PCM1: variants seen among roughly 807,000 people sequenced by gnomAD.
PCM1 encodes pericentriolar material 1, also known as pericentriolar material 1 protein.
A neutral mutation model predicts 241.9 loss-of-function variants in PCM1; 157 were observed. The ratio of observed to expected loss-of-function variants is 0.65; its 90% CI spans 0.57 to 0.74. The LOEUF (loss-of-function observed/expected upper bound fraction) is 0.74. Among genes scored for constraint, PCM1 ranks in the 30% least tolerant of loss-of-function variants. The pLI is 0.00. For missense variants in PCM1, 3,478 were observed against 2,360.1 expected, an observed-to-expected ratio of 1.47 and a Z score of -9.81; for synonymous variants, 1,085 against 784.9, an observed-to-expected ratio of 1.38 and a Z score of -6.39.
intron 29 of PCM1, among the ~76,000 whole-genome samples, chr8:17,995,185 TTTTGA>T (rs982923061): frequency 6.6e-6 from 1 of 151,486 alleles, no homozygotes; most frequent in Non-Finnish European, 1.5e-5. Context: ...CTTTAATCCA[TTTTGA>T]TTTGACTTTT....
In PCM1 at chr8:17,929,516, C is replaced by T. The variant is rs76307854; in HGVS notation, c.-23+4736C>T. Among the ~76,000 whole-genome samples, 1,466 of 152,312 alleles carry T rather than the reference C, an allele frequency of 9.6e-3. 20 individuals are homozygous for T. Among genetic ancestry groups the T allele is most frequent in the African/African-American group, 0.032 (1,331 of 41,562 alleles). On this transcript the variant is annotated intron_variant, in intron 2 of 38. Coordinates refer to ENST00000325083, the MANE Select transcript of PCM1 (RefSeq NM_006197.4). ...GTGTATTATAGGCACATCAAACTCT[C>T]CATTTCTAAAACTTGAACTCATCAT... is the stretch of plus-strand genomic sequence containing the variant.
At chr8:18,021,928 A>G (rs2283112) in intron 36 of PCM1, among the ~76,000 whole-genome samples, 7,382 of 152,276 alleles carry the variant, frequency 0.048, 195 homozygotes, top group South Asian at 0.069. Flanking sequence ...GCAAAAGTCT[A>G]TTTCTACCAG....
Position 17,969,642 on chromosome 8 carries a change from A to G in PCM1, c.3478A>G (p.Ser1160Gly), listed in dbSNP as rs1188227096. 1.9e-6 allele frequency: 3 copies of G among 1,612,772 alleles called. No individual in the cohort carries two copies. The highest frequency in any genetic ancestry group is 2.5e-6 in the Non-Finnish European group (3 of 1,178,966). ...TTTTTCTCAGAATATCTCTACACCC[A>G]GTGAACAGCAGCAACCCTTAGCCCA... ...GDFSQNISTP[S>G]EQQQPLAQNS... Residue 1160 changes from serine to glycine, a missense_variant, in exon 22 of 39, where the codon AGT (serine) becomes GGT (glycine). Transcript: ENST00000325083.
Position 17,953,025 on chromosome 8 carries a change from A to C in PCM1, c.1127A>C (p.Glu376Ala). 6.2e-7 allele frequency: 1 copy of C among 1,609,016 alleles called. No homozygotes were observed. The highest frequency in any genetic ancestry group is 8.5e-7 in the Non-Finnish European group (1 of 1,177,358). Residue 376 changes from glutamate (E) to alanine (A), a missense_variant, in exon 9 of 39, where the codon GAG becomes GCG. Coordinates refer to ENST00000325083, the MANE Select transcript of PCM1 (RefSeq NM_006197.4). ...GCAGAAAGTCTTTCATTAACTAGGG[A>C]GGTTTCCCAGAGCAGGAAACCATCA... ...RQAESLSLTR[E>A]VSQSRKPSAS...
In PCM1 at chr8:17,947,180, T is replaced by A; in HGVS notation, c.784-6T>A. 1 of 1,563,806 alleles carries A rather than the reference T, an allele frequency of 6.4e-7. No individual in the cohort carries two copies. The highest frequency in any genetic ancestry group is 1.9e-5 in the Admixed American group (1 of 52,940). ...AGATACAAGTATTGTTGGTCTTATT[T>A]TCCAGGCCAGAGATCCTCAGCAGGA... is the stretch of plus-strand genomic sequence containing the variant. On this transcript the variant is annotated splice_polypyrimidine_tract_variant and splice_region_variant and intron_variant, in intron 6 of 38. Transcript: ENST00000325083.
chr8:17,977,992 G>A (rs1421449442), intron 23 of PCM1, among the ~76,000 whole-genome samples: 1 of 151,980 alleles, frequency 6.6e-6, no homozygotes, highest in Non-Finnish European at 1.5e-5. Flanking sequence ...ACTGAAAGAG[G>A]CAAAACCTAG....
intron 13 of PCM1, 37 bp from the exon 14 acceptor site, chr8:17,959,977 G>A (rs761921860): frequency 6.3e-7 from 1 of 1,579,190 alleles, no homozygotes; most frequent in Non-Finnish European, 8.7e-7. Flanking sequence ...ATGTCTTGAG[G>A]TATCAAGATT....
chr8:17,955,717 T>A, intron 10 of PCM1, 64 bp downstream of exon 10: 1 of 1,295,946 alleles, frequency 7.7e-7, no homozygotes, highest in East Asian at 2.4e-5. Context: ...TGTTTTTTTT[T>A]TTATGTTGAA....
chr8:17,954,071 G>A (rs561280452), intron 9 of PCM1, among the ~76,000 whole-genome samples: 186 of 152,236 alleles, frequency 1.2e-3, no homozygotes, highest in Non-Finnish European at 2.2e-3. Context: ...TCTGACTTCT[G>A]CTAGTCTCTT....
At chr8:17,980,895 A>AT (rs2080498171) in intron 24 of PCM1, 140 bp downstream of exon 24, 1 of 550,208 alleles carries the variant, frequency 1.8e-6, no homozygotes, top group African/African-American at 1.9e-5. Flanking sequence ...TATAGTACAC[A>AT]TTCCTTGATA....
intron 29 of PCM1, among the ~76,000 whole-genome samples, chr8:18,000,135 A>G (rs558472827): frequency 7.3e-4 from 111 of 152,318 alleles, no homozygotes; most frequent in Middle Eastern, 6.8e-3. Context: ...AGATGTGACT[A>G]AGGAGCCAGT....
chr8:18,023,522 T>C (rs761641046), intron 36 of PCM1, among the ~76,000 whole-genome samples: 5 of 152,190 alleles, frequency 3.3e-5, no homozygotes, highest in Non-Finnish European at 5.9e-5. Flanking sequence ...CCAGTAGAAG[T>C]TTAGCTGCTC....
intron 7 of PCM1, among the ~76,000 whole-genome samples, chr8:17,947,816 T>A (rs1447089848): frequency 6.6e-6 from 1 of 152,226 alleles, no homozygotes; most frequent in African/African-American, 2.4e-5. Context: ...CTAGTAGCTG[T>A]TATTTTAATT....
At chr8:18,012,834 A>T (rs1436090328) in intron 34 of PCM1, among the ~76,000 whole-genome samples, 2 of 152,024 alleles carry the variant, frequency 1.3e-5, no homozygotes, top group African/African-American at 4.8e-5. Context: ...TTTGACTTTA[A>T]CACTTGTATG....
intron 6 of PCM1, among the ~76,000 whole-genome samples, chr8:17,942,825 C>T (rs1311754350): frequency 2.0e-5 from 3 of 151,984 alleles, no homozygotes; most frequent in Non-Finnish European, 4.4e-5. Flanking sequence ...GAAACCCTGT[C>T]TTTACTAAAA....
At chr8:17,962,918 T>G in intron 16 of PCM1, 183 bp from the exon 17 acceptor site, 2 of 442,100 alleles carry the variant, frequency 4.5e-6, no homozygotes, top group Non-Finnish European at 3.9e-6. Flanking sequence ...AAAAAAAAAA[T>G]TGGCTGATTT....
chr8:17,948,789 G>A (rs1180354274), intron 7 of PCM1, among the ~76,000 whole-genome samples: 3 of 152,094 alleles, frequency 2.0e-5, no homozygotes, highest in Non-Finnish European at 4.4e-5. Flanking sequence ...GTACTAGTTT[G>A]GTTAATGACT....
chr8:17,954,613 TGAG>T (rs1215696890), intron 9 of PCM1, among the ~76,000 whole-genome samples: 1 of 152,070 alleles, frequency 6.6e-6, no homozygotes, highest in Non-Finnish European at 1.5e-5. Flanking sequence ...AGGAATAGAA[TGAG>T]GAGACTGCTG....
At chr8:18,013,675 T>C (rs1323433968) in intron 34 of PCM1, among the ~76,000 whole-genome samples, 3 of 152,190 alleles carry the variant, frequency 2.0e-5, no homozygotes, top group Non-Finnish European at 4.4e-5. Context: ...ATTCCCTTCT[T>C]GTCTGCATTA....
Sources: allele counts gnomAD v4.1 joint callset (sites outside exome capture counted in the v4.1 genomes callset), GRCh38; gene constraint gnomAD v4.1.1; transcripts MANE v1.5; gene names NCBI Gene and HGNC (gene_info 2026-07-23, HGNC 2026-07-21).